TENM1: variants seen among roughly 807,000 people sequenced by gnomAD.
The protein encoded by TENM1 is teneurin transmembrane protein 1, also known as teneurin-1.
In TENM1, 35 loss-of-function variants were observed where a neutral mutation model predicts 174.8. The ratio of observed to expected loss-of-function variants is 0.20; its 90% confidence interval spans 0.15 to 0.27. TENM1 has a LOEUF of 0.27. TENM1 is among the 10% of genes least tolerant of loss of function. The pLI is 1.00. For missense variants in TENM1, 1,633 were observed against 2,130.1 expected, an observed-to-expected ratio of 0.77 and a Z score of 4.59; for synonymous variants, 781 against 798.7, an observed-to-expected ratio of 0.98 and a Z score of 0.37.
rs189908641 is a variant in TENM1, at chrX:124,523,313, G to C, written c.3033+51C>G. ...AGGAATTTAGCTATTATACACTGTTGACCACTCCATGATATTATTATTTTA... is the reference window on the plus strand; with the variant it reads ...AGGAATTTAGCTATTATACACTGTTCACCACTCCATGATATTATTATTTTA... On this transcript the variant is annotated intron_variant, in intron 17 of 31. Transcript: ENST00000422452. The C allele has an allele frequency of 9.2e-5, 107 of 1,158,689 alleles. No homozygotes were observed. In the African/African-American group the frequency reaches 1.6e-3, roughly 17 times the overall value.
intron 22 of TENM1, among the ~76,000 whole-genome samples, chrX:124,456,396 A>G (rs2061106344): frequency 8.9e-6 from 1 of 112,009 alleles, no homozygotes; most frequent in Non-Finnish European, 1.9e-5. Flanking sequence ...TTATATGTAC[A>G]TATTTTCCTC....
chrX:124,433,678 TA>T (rs1425443715), intron 23 of TENM1, among the ~76,000 whole-genome samples: 1 of 112,348 alleles, frequency 8.9e-6, no homozygotes, highest in African/African-American at 3.2e-5. Context: ...TGAAAGCATT[TA>T]AAAAAATTAT....
intron 23 of TENM1, among the ~76,000 whole-genome samples, chrX:124,432,316 TA>T (rs1217521874): frequency 2.7e-5 from 3 of 112,188 alleles, no homozygotes; most frequent in Non-Finnish European, 3.8e-5. Flanking sequence ...TTGTGGTTCC[TA>T]AAATTCCTGT....
At chrX:124,914,083 A>C (rs1165334454) in intron 1 of TENM1, among the ~76,000 whole-genome samples, 3 of 111,925 alleles carry the variant, frequency 2.7e-5, no homozygotes, top group Admixed American at 1.9e-4. Flanking sequence ...ATTCAAATCC[A>C]ATTTTGTTTG....
chrX:125,115,347 C>G, the TENM1 span, among the ~76,000 whole-genome samples: 1 of 111,746 alleles, frequency 8.9e-6, no homozygotes, highest in Non-Finnish European at 1.9e-5. Flanking sequence ...GATACCCTCT[C>G]TCCTCACTCC....
intron 11 of TENM1, among the ~76,000 whole-genome samples, chrX:124,590,137 T>C (rs960580252): frequency 8.9e-6 from 1 of 112,127 alleles, no homozygotes; most frequent in Non-Finnish European, 1.9e-5. Flanking sequence ...CAAAAATTTT[T>C]TTTAAATTTC....
chrX:124,587,155 C>T (rs1482817984), intron 11 of TENM1, among the ~76,000 whole-genome samples: 1 of 109,528 alleles, frequency 9.1e-6, no homozygotes, highest in Admixed American at 9.8e-5. Context: ...ATCAAGCTAC[C>T]AATGACTTTC....
chrX:125,015,066 G>A, the TENM1 span, among the ~76,000 whole-genome samples: 1 of 110,947 alleles, frequency 9.0e-6, no homozygotes, highest in Non-Finnish European at 1.9e-5. Context: ...ATAATGCTCT[G>A]AAGATTCACT....
intron 11 of TENM1, among the ~76,000 whole-genome samples, chrX:124,566,216 T>C (rs1057469834): frequency 1.8e-5 from 2 of 112,343 alleles, no homozygotes; most frequent in Non-Finnish European, 3.8e-5. Context: ...ATGCCAATGA[T>C]GACAACCAGC....
At chrX:125,180,861 G>T in the TENM1 span, among the ~76,000 whole-genome samples, 1 of 111,483 alleles carries the variant, frequency 9.0e-6, no homozygotes, top group Non-Finnish European at 1.9e-5. Flanking sequence ...TTATTCTTTT[G>T]CTTAGAACAT....
Position 124,694,752 on chromosome X carries a change from A to C in TENM1, c.1015+10261T>G, listed in dbSNP as rs184735761. Among the ~76,000 whole-genome samples the C allele has an allele frequency of 2.8e-4, 31 of 111,822 alleles. 2 individuals carry two copies. The highest frequency in any genetic ancestry group is 2.1e-3 in the Admixed American group (22 of 10,554). On this transcript the variant is annotated intron_variant, in intron 5 of 31. Transcript: ENST00000422452. ...ACGTTCAGTTCCATGCATCTATGAG[A>C]GAGTCATCCATGGTTAGGGCCATGA...
chrX:125,194,342 G>A, the TENM1 span, among the ~76,000 whole-genome samples: 4 of 110,877 alleles, frequency 3.6e-5, no homozygotes, highest in Admixed American at 1.9e-4. Context: ...TCTCAAATTT[G>A]TCCACTCCTC....
chrX:124,618,003 A>C (rs1294910916), intron 11 of TENM1, among the ~76,000 whole-genome samples: 1 of 112,209 alleles, frequency 8.9e-6, no homozygotes, highest in Non-Finnish European at 1.9e-5. Context: ...TAAAATCTTT[A>C]AATAAAAATA....
rs187565319 is a variant in TENM1 at position 124,503,516 on chromosome X, G to A, written c.3445+44C>T. On this transcript the variant is annotated intron_variant, in intron 19 of 31. Coordinates refer to ENST00000422452, the Ensembl canonical transcript of TENM1. ...TTCTGCAATAAATATGTATTATACA[G>A]CATTAGGAAAGTAGTATTCATACAA... 586 of 1,137,649 alleles carry A rather than the reference G, an allele frequency of 5.2e-4. 2 individuals are homozygous for A. The highest frequency in any genetic ancestry group is 2.9e-3 in the Middle Eastern group (12 of 4,083). 93.8% of individuals were successfully genotyped at this position (1,137,649 alleles called of 1,213,427 possible). A position where few individuals can be genotyped will look rare whatever the true frequency, so the allele number is the denominator to read the frequency against.
chrX:125,054,383 T>C, the TENM1 span, among the ~76,000 whole-genome samples: 4 of 110,497 alleles, frequency 3.6e-5, no homozygotes, highest in Non-Finnish European at 7.6e-5. Context: ...TCTTTATAAA[T>C]TACCTAGTCT....
chrX:124,830,429 T>C (rs2056264837), intron 3 of TENM1, among the ~76,000 whole-genome samples: 1 of 111,648 alleles, frequency 9.0e-6, no homozygotes, highest in African/African-American at 3.3e-5. Flanking sequence ...CGTCGTGCAT[T>C]GAGAGATGGG....
intron 3 of TENM1, among the ~76,000 whole-genome samples, chrX:124,758,160 A>AAAAAC (rs774498913): frequency 5.6e-4 from 63 of 112,237 alleles, no homozygotes; most frequent in South Asian, 3.7e-4. Flanking sequence ...CAATAGCAGA[A>AAAAAC]AAAACAAAAC....
the TENM1 span, among the ~76,000 whole-genome samples, chrX:125,026,449 A>C: frequency 8.9e-6 from 1 of 112,068 alleles, no homozygotes; most frequent in Admixed American, 9.5e-5. Context: ...GACAATTTTA[A>C]ATGCAACATT....
intron 1 of TENM1, among the ~76,000 whole-genome samples, chrX:124,926,560 T>C (rs2058094334): frequency 8.9e-6 from 1 of 111,995 alleles, no homozygotes; most frequent in African/African-American, 3.2e-5. Flanking sequence ...GCAATGTGTC[T>C]ATTTCTTTTC....
Sources: gnomAD v4.1 joint callset for allele counts (sites outside exome capture counted in the v4.1 genomes callset) on GRCh38, gnomAD v4.1.1 for gene constraint, MANE v1.5 for transcripts, NCBI Gene and HGNC (gene_info 2026-07-23, HGNC 2026-07-21) for gene names.